Variants in SCAPER observed in about 807,000 individuals in gnomAD.
SCAPER encodes the protein S-phase cyclin A associated protein in the ER.
Under a neutral mutation model 182.2 loss-of-function variants are expected in SCAPER, and 98 were observed. That is an observed-to-expected ratio of 0.54 (90% confidence interval 0.46 to 0.64). The LOEUF (loss-of-function observed/expected upper bound fraction) is 0.64, where lower values mean the gene tolerates loss of function less well. SCAPER is among the 30% of genes least tolerant of loss of function. The probability of loss-of-function intolerance (pLI) is 0.00; values close to 1 mark genes in which losing one functional copy is unlikely to be tolerated. For missense variants in SCAPER, 1,432 were observed against 1,690.0 expected (o/e 0.85, Z 2.68); for synonymous variants, 605 against 564.6 (o/e 1.07, Z -1.01).
chr15:76,555,056 C>G (rs1423497783), intron 23 of SCAPER, among the ~76,000 whole-genome samples: 2 of 152,128 alleles, frequency 1.3e-5, no homozygotes, highest in Non-Finnish European at 2.9e-5. Context: ...GCTAGGATTA[C>G]AGGTGTGAGC....
chr15:76,404,573 C>G lies in SCAPER; in HGVS notation c.3418G>C (p.Ala1140Pro). The change falls in exon 27 of 32, where the codon GCA (alanine) becomes CCA (proline). Residue 1140 changes from alanine (A) to proline (P), a missense_variant. This residue lies in a region of SCAPER where 718 missense variants were observed against 799.7 expected (regional missense o/e 0.90). Transcript: ENST00000563290. The part of the protein sequence containing the change: ...PKMAIFLQHA[A>P]GLLHAMCTLC... The stretch of plus-strand genomic sequence containing the variant: ...GTACACATTGCATGTAAGAGTCCTG[C>G]GGCATGCTGCAGAAATATGGCCATC... 1 of 1,613,460 alleles carries G rather than the reference C, an allele frequency of 6.2e-7. No individual in the cohort carries two copies. The highest frequency in any genetic ancestry group is 1.1e-5 in the South Asian group (1 of 91,034).
chr15:76,624,915 A>G (rs568154045), intron 21 of SCAPER, among the ~76,000 whole-genome samples: 141 of 152,274 alleles, frequency 9.3e-4, no homozygotes, highest in African/African-American at 3.1e-3. Context: ...ATTGGCAGGA[A>G]TAACCTCTGG....
chr15:76,718,603 T>G (rs2060019041), intron 17 of SCAPER, among the ~76,000 whole-genome samples: 1 of 151,306 alleles, frequency 6.6e-6, no homozygotes, highest in Non-Finnish European at 1.5e-5. Context: ...ATCATGCCAC[T>G]TCACTCCAGC....
intron 26 of SCAPER, among the ~76,000 whole-genome samples, chr15:76,421,889 C>T (rs2046071169): frequency 6.6e-6 from 1 of 152,144 alleles, no homozygotes; most frequent in Non-Finnish European, 1.5e-5. Flanking sequence ...ATCCTTTCCC[C>T]ATTGCTTGTT....
At chr15:76,804,232 C>T (rs1015514811) in intron 6 of SCAPER, among the ~76,000 whole-genome samples, 6 of 152,098 alleles carry the variant, frequency 3.9e-5, no homozygotes, top group Non-Finnish European at 5.9e-5. Context: ...TCTGAAGAAC[C>T]GTAATAGTTT....
intron 8 of SCAPER, among the ~76,000 whole-genome samples, chr15:76,782,894 A>C (rs1219865058): frequency 6.6e-6 from 1 of 152,252 alleles, no homozygotes; most frequent in Non-Finnish European, 1.5e-5. Context: ...GTGTAAAGGG[A>C]AAGTTATAGC....
chr15:76,809,818 A>G (rs2066454749), intron 5 of SCAPER, among the ~76,000 whole-genome samples: 2 of 152,206 alleles, frequency 1.3e-5, no homozygotes, highest in African/African-American at 4.8e-5. Context: ...TCAAATTGTC[A>G]AAAGTTAAAG....
Position 76,360,012 on chromosome 15 carries a change from C to T in SCAPER, c.3856-5872G>A, listed in dbSNP as rs983270509. Among the ~76,000 whole-genome samples the T allele has an allele frequency of 3.9e-5, 6 of 152,290 alleles. No homozygotes were observed. In the South Asian group the frequency reaches 1.2e-3, roughly 32 times the overall value. On this transcript the variant is annotated intron_variant, in intron 29 of 31. Transcript: ENST00000563290. ...TGGTGTCTACATCACCTTAGGTCTG[C>T]ACATTAAGTCCTTGAAGAATAGATT...
chr15:76,442,389 G>A (rs1477736711), intron 25 of SCAPER, among the ~76,000 whole-genome samples: 5 of 152,164 alleles, frequency 3.3e-5, no homozygotes, highest in African/African-American at 4.8e-5. Context: ...TAGTTCCAGT[G>A]CCTAAATATT....
chr15:76,471,098 CTT>C (rs370029906), intron 25 of SCAPER, 112 bp downstream of exon 25: 6,235 of 508,294 alleles, frequency 0.012, 26 homozygotes, highest in Non-Finnish European at 0.014. Flanking sequence ...TCTTCTTCTT[CTT>C]TTTTTTTTTT....
At chr15:76,900,781 G>C (rs1430799445) in intron 1 of SCAPER, among the ~76,000 whole-genome samples, 1 of 152,198 alleles carries the variant, frequency 6.6e-6, no homozygotes, top group African/African-American at 2.4e-5. Flanking sequence ...TGAGAAGCCT[G>C]CTGGTAGCAC....
chr15:76,434,219 C>T lies in SCAPER; in HGVS notation c.3170G>A (p.Ser1057Asn), dbSNP rs768238403. The T allele has an allele frequency of 5.0e-6, 8 of 1,613,940 alleles. No homozygotes were observed. In the Admixed American group the frequency reaches 8.3e-5, roughly 17 times the overall value. ...EGLTTGLLKV[S>N]AVVLGCLIAN... ...AATCAGGCAGCCCAAAACCACAGCA[C>T]TGACTTTGAGAAGTCCAGTTGTCAA... Residue 1057 changes from serine to asparagine, a missense_variant, in exon 26 of 32, where the codon AGT (serine) becomes AAT (asparagine). By Grantham distance (46) the Ser-to-Asn change is conservative. Coordinates refer to ENST00000563290, the MANE Select transcript of SCAPER (RefSeq NM_020843.4).
At chr15:76,781,189 T>A (rs772075090) in intron 8 of SCAPER, among the ~76,000 whole-genome samples, 1 of 152,146 alleles carries the variant, frequency 6.6e-6, no homozygotes, top group Non-Finnish European at 1.5e-5. Context: ...GAGAGAAGAC[T>A]TTAAATGACC....
At chr15:76,424,197 T>C (rs553791175) in intron 26 of SCAPER, among the ~76,000 whole-genome samples, 95 of 152,342 alleles carry the variant, frequency 6.2e-4, no homozygotes, top group African/African-American at 2.2e-3. Flanking sequence ...CTCATTGATC[T>C]GTCTAATGTT....
rs527907473 is a variant in SCAPER, at chr15:76,784,879, T to C, written c.773-9762A>G. The stretch of plus-strand genomic sequence containing the variant: ...CCTTACACCTTATACAAAAATTAAT[T>C]CAAGATGGATTAAAGACTTAAATGT... On this transcript the variant is annotated intron_variant, in intron 8 of 31. Transcript: ENST00000563290. Among the ~76,000 whole-genome samples, 3 of 152,252 alleles carry C rather than the reference T, an allele frequency of 2.0e-5. No homozygotes were observed. The South Asian group carries it at 6.2e-4, about 32-fold the overall frequency.
At chr15:76,490,492 A>C (rs1348262123) in intron 24 of SCAPER, among the ~76,000 whole-genome samples, 1 of 152,114 alleles carries the variant, frequency 6.6e-6, no homozygotes, top group Non-Finnish European at 1.5e-5. Flanking sequence ...TTTTTTAATT[A>C]AGTTGTTAAT....
intron 23 of SCAPER, among the ~76,000 whole-genome samples, chr15:76,570,214 G>A (rs988672308): frequency 6.6e-6 from 1 of 152,054 alleles, no homozygotes; most frequent in African/African-American, 2.4e-5. Flanking sequence ...AATGACTGGT[G>A]TACTTCCTGT....
intron 17 of SCAPER, among the ~76,000 whole-genome samples, chr15:76,706,258 C>T (rs2059258666): frequency 6.6e-6 from 1 of 152,064 alleles, no homozygotes; most frequent in Non-Finnish European, 1.5e-5. Flanking sequence ...ATGTTGAAAA[C>T]TATATTTATC....
At chr15:76,774,810 T>C (rs1179255732) in intron 9 of SCAPER, 45 bp downstream of exon 9, 2 of 1,559,106 alleles carry the variant, frequency 1.3e-6, no homozygotes, top group Non-Finnish European at 1.7e-6. Context: ...CATGTACACA[T>C]ACACCTTTGA....
Sources: gnomAD v4.1 joint callset for allele counts (sites outside exome capture counted in the v4.1 genomes callset) on GRCh38, gnomAD v4.1.1 for gene constraint, gnomAD v4.1.1 regional missense constraint, MANE v1.5 for transcripts, NCBI Gene and HGNC (gene_info 2026-07-23, HGNC 2026-07-21) for gene names.